Variants in HCRTR2 observed in about 807,000 individuals in gnomAD.
HCRTR2 encodes the protein hypocretin receptor 2.
Under a neutral mutation model 49.0 loss-of-function variants are expected in HCRTR2, and 22 were observed. That is an observed-to-expected ratio of 0.45 (90% CI 0.32 to 0.64). The LOEUF (loss-of-function observed/expected upper bound fraction) is 0.64. Among genes scored for constraint, HCRTR2 ranks in the 30% least tolerant of loss-of-function variants. HCRTR2 has a pLI of 0.04. For synonymous variants in HCRTR2, 236 were observed against 205.3 expected (o/e 1.15, Z -1.28); for missense variants, 491 against 559.4 (o/e 0.88, Z 1.23).
At chr6:55,189,122 T>G (rs1354039786) in intron 1 of HCRTR2, among the ~76,000 whole-genome samples, 1 of 152,204 alleles carries the variant, frequency 6.6e-6, no homozygotes, top group East Asian at 1.9e-4. Flanking sequence ...TTTGTGGCCT[T>G]CTTTATTTTG....
Position 55,282,186 on chromosome 6 carries a change from T to C in HCRTR2, c.1106-39T>C, listed in dbSNP as rs376337420. ...TATTCATAATTTGTTGAAGCATTTATGTATAATTCCTTTTCCTTTCATTCT... is the reference window on the plus strand; with the variant it reads ...TATTCATAATTTGTTGAAGCATTTACGTATAATTCCTTTTCCTTTCATTCT... On this transcript the variant is annotated intron_variant, in intron 6 of 6. Coordinates refer to ENST00000370862, the MANE Select transcript of HCRTR2 (RefSeq NM_001384272.1). 2.7e-5 allele frequency: 38 copies of C among 1,412,230 alleles called. No homozygotes were observed. The African/African-American group carries it at 5.2e-4, about 19-fold the overall frequency. The allele number at this position is 1,412,230 out of a possible 1,614,324, so 87.5% of individuals were successfully genotyped here. A position where few individuals can be genotyped will look rare whatever the true frequency, so the allele number is the denominator to read the frequency against.
chr6:55,129,485 G>C (rs539737886), intron 1 of HCRTR2, among the ~76,000 whole-genome samples: 1 of 152,150 alleles, frequency 6.6e-6, no homozygotes, highest in South Asian at 2.1e-4. Context: ...GTGTGAGTTG[G>C]TGTTATTAAA....
chr6:55,255,637 A>T (rs996832422), intron 3 of HCRTR2, among the ~76,000 whole-genome samples: 1 of 152,198 alleles, frequency 6.6e-6, no homozygotes, highest in South Asian at 2.1e-4. Context: ...AGATTATTCT[A>T]CAATTCAGAT....
chr6:55,109,787 A>G (rs923898514), intron 1 of HCRTR2, among the ~76,000 whole-genome samples: 6 of 152,336 alleles, frequency 3.9e-5, no homozygotes, highest in Admixed American at 2.6e-4. Flanking sequence ...AAAAGTTTGT[A>G]AAACATATTT....
intron 1 of HCRTR2, among the ~76,000 whole-genome samples, chr6:55,221,167 A>T (rs558303029): frequency 6.6e-6 from 1 of 152,338 alleles, no homozygotes; most frequent in Non-Finnish European, 1.5e-5. Flanking sequence ...TACCAAAATT[A>T]TGATGTCATT....
At chr6:55,270,070 T>C (rs562044539) in intron 4 of HCRTR2, among the ~76,000 whole-genome samples, 3 of 152,346 alleles carry the variant, frequency 2.0e-5, no homozygotes, top group South Asian at 2.1e-4. Context: ...AAGAGAATTA[T>C]GAATTCACTG....
At chr6:55,245,498 T>TATATATATATAC (rs1554181928) in intron 1 of HCRTR2, among the ~76,000 whole-genome samples, 2 of 132,794 alleles carry the variant, frequency 1.5e-5, no homozygotes, top group East Asian at 4.2e-4. Context: ...TATATATATA[T>TATATATATATAC]ATATATATCT....
intron 1 of HCRTR2, among the ~76,000 whole-genome samples, chr6:55,195,057 C>G (rs963836586): frequency 1.3e-5 from 2 of 151,674 alleles, no homozygotes; most frequent in African/African-American, 4.8e-5. Flanking sequence ...CCAAACTTAC[C>G]AGGAAAATGA....
At chr6:55,278,704 C>G (rs1049271014) in intron 5 of HCRTR2, among the ~76,000 whole-genome samples, 10 of 147,106 alleles carry the variant, frequency 6.8e-5, no homozygotes, top group Non-Finnish European at 8.9e-5. Context: ...CCCTCCATAT[C>G]TTTTTGTGCT....
In HCRTR2 at chr6:55,195,271, A is replaced by G. The variant is rs375301520; in HGVS notation, c.223+20461A>G. On this transcript the variant is annotated intron_variant, in intron 1 of 6. Transcript: ENST00000370862. ...TCTCAAGAAAATAATAAACTGAAAG[A>G]AGAAAACATATCAAAACAACTTGAG... Among the ~76,000 whole-genome samples the G allele has an allele frequency of 7.0e-4, 107 of 152,320 alleles. 3 individuals are homozygous for G. In the South Asian group the frequency reaches 0.017, roughly 24 times the overall value.
chr6:55,265,635 T>C (rs182753432), intron 4 of HCRTR2, among the ~76,000 whole-genome samples: 33 of 152,264 alleles, frequency 2.2e-4, no homozygotes, highest in Non-Finnish European at 4.3e-4. Context: ...CATTCTTCTC[T>C]GACAGAAAGA....
At chr6:55,257,274 A>T (rs1252504127) in intron 3 of HCRTR2, among the ~76,000 whole-genome samples, 2 of 152,072 alleles carry the variant, frequency 1.3e-5, no homozygotes, top group African/African-American at 4.8e-5. Context: ...CTTTCTCAGA[A>T]TCCTGTATTA....
intron 1 of HCRTR2, among the ~76,000 whole-genome samples, chr6:55,152,997 GT>G (rs899893159): frequency 4.0e-4 from 61 of 151,680 alleles, no homozygotes; most frequent in African/African-American, 1.3e-3. Context: ...CTGTGTGCGT[GT>G]TTTTTTTCTA....
At chr6:55,233,582 A>G (rs1053047884) in intron 1 of HCRTR2, among the ~76,000 whole-genome samples, 1 of 152,154 alleles carries the variant, frequency 6.6e-6, no homozygotes, top group Non-Finnish European at 1.5e-5. Flanking sequence ...CTATAGTTGT[A>G]GCTACTTGGG....
chr6:55,109,467 A>T (rs1172424961), intron 1 of HCRTR2, among the ~76,000 whole-genome samples: 1 of 151,196 alleles, frequency 6.6e-6, no homozygotes, highest in African/African-American at 2.4e-5. Context: ...AAAGAAATTA[A>T]AAAAAAAAGT....
At position 55,282,536 on chromosome 6, in the gene HCRTR2, G is replaced by A; in HGVS notation, c.*82G>A. ...GGGAACAGAAATTTTATTATCCTAT[G>A]ATGTGAAGCTAAAATTACTTGTGGA... On this transcript the variant is annotated 3_prime_UTR_variant, in exon 7 of 7. Transcript: ENST00000370862. 2.6e-6 allele frequency: 2 copies of A among 766,238 alleles called. No homozygotes were observed. Among genetic ancestry groups the A allele is most frequent in the Non-Finnish European group, 4.4e-6 (2 of 451,660 alleles). The allele number at this position is 766,238 out of a possible 1,614,324, so 47.5% of individuals were successfully genotyped here.
chr6:55,184,659 G>A (rs1428811067), intron 1 of HCRTR2, among the ~76,000 whole-genome samples: 4 of 152,176 alleles, frequency 2.6e-5, no homozygotes, highest in Non-Finnish European at 1.5e-5. Flanking sequence ...CTACAGGTTG[G>A]CATGGTAACA....
In HCRTR2 at chr6:55,281,313, A is replaced by T. The variant is rs75573672; in HGVS notation, c.1105+869A>T. 6.4e-3 allele frequency among the ~76,000 whole-genome samples: 965 copies of T among 151,890 alleles called. 11 individuals carry two copies. The highest frequency in any genetic ancestry group is 0.022 in the African/African-American group (911 of 41,460). On this transcript the variant is annotated intron_variant, in intron 6 of 6. Transcript: ENST00000370862. ...GATGAGAAATAATTTTGTTCTATTT[A>T]AAAAAAAATCTAGCACAATGACTAA...
chr6:55,269,428 T>C (rs889800105), intron 4 of HCRTR2, among the ~76,000 whole-genome samples: 3 of 152,114 alleles, frequency 2.0e-5, no homozygotes, highest in African/African-American at 4.8e-5. Flanking sequence ...TTTCTACTTG[T>C]AGGTTATGTG....
Sources: allele counts gnomAD v4.1 joint callset (sites outside exome capture counted in the v4.1 genomes callset), GRCh38; gene constraint gnomAD v4.1.1; transcripts MANE v1.5; gene names NCBI Gene and HGNC (gene_info 2026-07-23, HGNC 2026-07-21).